Variants in ERC2 observed in about 807,000 individuals in gnomAD.
ERC2 encodes ERC protein 2.
ERC2 carries 42 observed loss-of-function variants against 114.8 expected under a neutral mutation model. That is an observed-to-expected ratio of 0.37 (90% CI 0.29 to 0.47). The LOEUF (loss-of-function observed/expected upper bound fraction) is 0.47. Ranked by LOEUF, ERC2 falls within the 20% of genes least tolerant of loss-of-function variation. The pLI, the probability that ERC2 is intolerant of heterozygous loss-of-function variation, is 0.99. For missense variants in ERC2, 939 were observed against 1,150.7 expected, an observed-to-expected ratio of 0.82 and a Z score of 2.66; for synonymous variants, 454 against 425.5, an observed-to-expected ratio of 1.07 and a Z score of -0.82.
rs187067579 is a variant in ERC2, at chr3:55,789,135, C to G, written c.2565-54217G>C. ...TCATTGTTCTAGAGCATTTCACTGC[C>G]TGAATATACCAGCCTAAGGCTTAAT... is the stretch of plus-strand genomic sequence containing the variant. On this transcript the variant is annotated intron_variant, in intron 14 of 17. Coordinates refer to ENST00000288221, the MANE Select transcript of ERC2 (RefSeq NM_015576.3). Among the ~76,000 whole-genome samples the G allele has an allele frequency of 2.6e-5, 4 of 152,328 alleles. No homozygotes were observed. In the East Asian group the frequency reaches 7.7e-4, roughly 29 times the overall value.
At chr3:55,721,850 C>G (rs2064574235) in intron 15 of ERC2, among the ~76,000 whole-genome samples, 1 of 152,218 alleles carries the variant, frequency 6.6e-6, no homozygotes, top group African/African-American at 2.4e-5. Context: ...CCCCAGCACC[C>G]TAAGTGGCTT....
At chr3:56,262,046 A>G (rs1012914097) in intron 3 of ERC2, among the ~76,000 whole-genome samples, 3 of 152,114 alleles carry the variant, frequency 2.0e-5, no homozygotes, top group African/African-American at 7.2e-5. Context: ...ACACGATCTC[A>G]TTCTTTTTCA....
At chr3:56,311,255 C>CTCTATATATATA (rs1314796268) in intron 2 of ERC2, among the ~76,000 whole-genome samples, 1 of 79,076 alleles carries the variant, frequency 1.3e-5, no homozygotes, top group African/African-American at 5.7e-5. Context: ...CTCTCTCTCT[C>CTCTATATATATA]TATATATATA....
chr3:55,592,266 A>G (rs1342442289), intron 17 of ERC2, among the ~76,000 whole-genome samples: 2 of 152,200 alleles, frequency 1.3e-5, no homozygotes, highest in Admixed American at 6.5e-5. Context: ...TTGCTCATTC[A>G]TTCCATTTTT....
chr3:56,054,500 C>T (rs1257831264), intron 7 of ERC2, among the ~76,000 whole-genome samples: 1 of 152,172 alleles, frequency 6.6e-6, no homozygotes, highest in Non-Finnish European at 1.5e-5. Flanking sequence ...ATATGATTGG[C>T]TATATAACGT....
chr3:56,341,736 C>T (rs1002522541), intron 2 of ERC2, among the ~76,000 whole-genome samples: 6 of 152,234 alleles, frequency 3.9e-5, no homozygotes, highest in African/African-American at 1.4e-4. Context: ...GCCTCCAGAA[C>T]ATTGCTTTCC....
intron 17 of ERC2, among the ~76,000 whole-genome samples, chr3:55,635,380 AGAT>A (rs529818007): frequency 5.9e-4 from 89 of 151,946 alleles, no homozygotes; most frequent in African/African-American, 2.1e-3. Context: ...AAACATTTTC[AGAT>A]GATTTTTTTT....
At chr3:56,378,817 C>A (rs1341472277) in intron 2 of ERC2, among the ~76,000 whole-genome samples, 5 of 152,152 alleles carry the variant, frequency 3.3e-5, no homozygotes, top group African/African-American at 1.2e-4. Context: ...AGGGACACCT[C>A]CACTGCAACA....
intron 4 of ERC2, among the ~76,000 whole-genome samples, chr3:56,172,297 T>A (rs191677366): frequency 6.6e-6 from 1 of 152,362 alleles, no homozygotes; most frequent in Non-Finnish European, 1.5e-5. Flanking sequence ...TTGACTCATG[T>A]AACCTCATTT....
At chr3:55,779,233 G>C (rs894833390) in intron 14 of ERC2, among the ~76,000 whole-genome samples, 1 of 149,944 alleles carries the variant, frequency 6.7e-6, no homozygotes, top group Non-Finnish European at 1.5e-5. Context: ...TGTAATCCTA[G>C]CACTTTGGGA....
intron 7 of ERC2, among the ~76,000 whole-genome samples, chr3:56,053,976 C>T (rs1374322378): frequency 6.6e-6 from 1 of 152,110 alleles, no homozygotes; most frequent in Non-Finnish European, 1.5e-5. Flanking sequence ...ACCCCCACCC[C>T]GAATAGGCTG....
At chr3:56,157,094 C>T (rs1243767613) in intron 4 of ERC2, among the ~76,000 whole-genome samples, 2 of 152,126 alleles carry the variant, frequency 1.3e-5, no homozygotes, top group Non-Finnish European at 2.9e-5. Flanking sequence ...AAATAACTTG[C>T]CCAAGGTTTC....
intron 15 of ERC2, among the ~76,000 whole-genome samples, chr3:55,724,416 C>T (rs2064781683): frequency 6.6e-6 from 1 of 152,120 alleles, no homozygotes; most frequent in Admixed American, 6.6e-5. Context: ...AAGTATTGCA[C>T]CAATTCAGGG....
At chr3:56,211,497 A>G (rs1478281394) in intron 3 of ERC2, among the ~76,000 whole-genome samples, 1 of 152,204 alleles carries the variant, frequency 6.6e-6, no homozygotes. Flanking sequence ...ATGGATGGGT[A>G]GAATCAATAT....
At chr3:55,912,092 T>C (rs537058610) in intron 13 of ERC2, among the ~76,000 whole-genome samples, 60 of 152,298 alleles carry the variant, frequency 3.9e-4, no homozygotes, top group African/African-American at 1.3e-3. Context: ...TTGGTGGTGG[T>C]AGGGATTGAT....
rs2051951717 is a variant in ERC2 at position 55,509,584 on chromosome 3, C to T, written c.*1732G>A. On this transcript the variant is annotated 3_prime_UTR_variant, in exon 18 of 18. Transcript: ENST00000288221. The stretch of plus-strand genomic sequence containing the variant: ...TTGTTATACTTACTGATGACAAGAA[C>T]AAAGCCAGAAGCAAGAAACCTGCTT... 1 of 152,554 alleles carries T rather than the reference C, an allele frequency of 6.6e-6. No homozygotes were observed. The highest frequency in any genetic ancestry group is 1.5e-5 in the Non-Finnish European group (1 of 68,024). The allele number at this position is 152,554 out of a possible 1,614,324, so 9.5% of individuals were successfully genotyped here. A position where few individuals can be genotyped will look rare whatever the true frequency, so the allele number is the denominator to read the frequency against.
chr3:56,115,440 C>T (rs1422395408), intron 6 of ERC2, among the ~76,000 whole-genome samples: 5 of 152,034 alleles, frequency 3.3e-5, no homozygotes, highest in African/African-American at 7.3e-5. Flanking sequence ...TCAAGAGTCA[C>T]GTCATTAACA....
At chr3:56,131,462 AT>A (rs1468745557) in intron 6 of ERC2, among the ~76,000 whole-genome samples, 7 of 152,170 alleles carry the variant, frequency 4.6e-5, no homozygotes, top group Admixed American at 2.6e-4. Flanking sequence ...TTAAAAGTTG[AT>A]TTTGTTGTAT....
intron 2 of ERC2, among the ~76,000 whole-genome samples, chr3:56,358,847 T>C (rs761986909): frequency 3.9e-5 from 6 of 152,242 alleles, no homozygotes; most frequent in Non-Finnish European, 8.8e-5. Flanking sequence ...TGACTCCTTG[T>C]AAGGATTCAA....
Sources: gnomAD v4.1 joint callset for allele counts (sites outside exome capture counted in the v4.1 genomes callset) on GRCh38, gnomAD v4.1.1 for gene constraint, MANE v1.5 for transcripts, NCBI Gene and HGNC (gene_info 2026-07-23, HGNC 2026-07-21) for gene names.